NXPH1: variants seen among roughly 807,000 people sequenced by gnomAD.
NXPH1 encodes neurexophilin 1, also known as neurexophilin-1.
NXPH1 carries 5 observed loss-of-function variants against 23.7 expected under a neutral mutation model. The ratio of observed to expected loss-of-function variants is 0.21; its 90% confidence interval spans 0.11 to 0.44. NXPH1 has a LOEUF of 0.44. Among genes scored for constraint, NXPH1 ranks in the 20% least tolerant of loss-of-function variants. NXPH1 has a pLI of 0.99. For synonymous variants in NXPH1, 144 were observed against 122.2 expected, an observed-to-expected ratio of 1.18 and a Z score of -1.18; for missense variants, 324 against 321.6, an observed-to-expected ratio of 1.01 and a Z score of -0.06.
chr7:8,457,138 T>G (rs1816609924), intron 2 of NXPH1, among the ~76,000 whole-genome samples: 1 of 152,208 alleles, frequency 6.6e-6, no homozygotes, highest in African/African-American at 2.4e-5. Flanking sequence ...GTTTTCAAAC[T>G]CTTTACCTGT....
intron 2 of NXPH1, among the ~76,000 whole-genome samples, chr7:8,638,075 G>A (rs1820248266): frequency 6.6e-6 from 1 of 152,248 alleles, no homozygotes; most frequent in South Asian, 2.1e-4. Context: ...CCATTACTTT[G>A]AACAGAAAAA....
chr7:8,718,012 T>C (rs1434825326), intron 2 of NXPH1, among the ~76,000 whole-genome samples: 2 of 152,006 alleles, frequency 1.3e-5, no homozygotes, highest in Non-Finnish European at 2.9e-5. Context: ...AAATGTTGTT[T>C]CTCTTAATGT....
chr7:8,513,802 T>C (rs7777117), intron 2 of NXPH1, among the ~76,000 whole-genome samples: 104,520 of 151,946 alleles, frequency 0.69, 36,090 homozygotes, highest in African/African-American at 0.74. Context: ...TTGCTCCATG[T>C]ATTCGTTTTC....
At position 8,489,424 on chromosome 7, in the gene NXPH1, G is replaced by A. The variant is rs182865934; in HGVS notation, c.54+53657G>A. On this transcript the variant is annotated intron_variant, in intron 2 of 2. Transcript: ENST00000405863. ...AGAGAAAGGAACTAAAATTTACTAA[G>A]TGTGTATGATGTGCCAGGTACTTCA... Among the ~76,000 whole-genome samples the A allele has an allele frequency of 2.4e-3, 366 of 152,182 alleles. 2 individuals are homozygous for A. Among genetic ancestry groups the A allele is most frequent in the African/African-American group, 8.4e-3 (349 of 41,556 alleles).
intron 2 of NXPH1, among the ~76,000 whole-genome samples, chr7:8,681,874 T>A (rs932636896): frequency 2.6e-5 from 4 of 152,194 alleles, no homozygotes; most frequent in Admixed American, 2.6e-4. Context: ...TAGAAACTTG[T>A]CCAGCCCATA....
At chr7:8,624,826 G>T (rs889234352) in intron 2 of NXPH1, among the ~76,000 whole-genome samples, 2 of 152,162 alleles carry the variant, frequency 1.3e-5, no homozygotes, top group African/African-American at 4.8e-5. Flanking sequence ...GCCAGCACGA[G>T]AAAGTGGGGA....
At chr7:8,501,337 G>C (rs1209654954) in intron 2 of NXPH1, among the ~76,000 whole-genome samples, 2 of 151,976 alleles carry the variant, frequency 1.3e-5, no homozygotes, top group Non-Finnish European at 2.9e-5. Flanking sequence ...TTTAGGAGTT[G>C]TACCATGCAA....
chr7:8,526,181 G>A (rs1435986358), intron 2 of NXPH1, among the ~76,000 whole-genome samples: 1 of 152,214 alleles, frequency 6.6e-6, no homozygotes, highest in African/African-American at 2.4e-5. Context: ...GGAGTCAAAG[G>A]ATATCATTTT....
intron 2 of NXPH1, among the ~76,000 whole-genome samples, chr7:8,451,708 A>C (rs1584163355): frequency 6.6e-6 from 1 of 152,334 alleles, no homozygotes; most frequent in Admixed American, 6.5e-5. Context: ...TGCCTATATC[A>C]AAAACAACCC....
chr7:8,649,155 A>T (rs1376018821), intron 2 of NXPH1, among the ~76,000 whole-genome samples: 1 of 152,128 alleles, frequency 6.6e-6, no homozygotes, highest in East Asian at 1.9e-4. Context: ...AGCTGAGTTT[A>T]CAAAAAGATG....
chr7:8,618,967 A>G (rs1208050976), intron 2 of NXPH1, among the ~76,000 whole-genome samples: 1 of 152,192 alleles, frequency 6.6e-6, no homozygotes, highest in Non-Finnish European at 1.5e-5. Flanking sequence ...TGAAAATTAT[A>G]AAATTGAAAT....
At chr7:8,563,020 C>G (rs1180719168) in intron 2 of NXPH1, among the ~76,000 whole-genome samples, 3 of 151,644 alleles carry the variant, frequency 2.0e-5, no homozygotes, top group Non-Finnish European at 4.4e-5. Flanking sequence ...GAATTCTAAC[C>G]TATAAGCATA....
At chr7:8,586,010 C>T (rs1026687733) in intron 2 of NXPH1, among the ~76,000 whole-genome samples, 1 of 152,102 alleles carries the variant, frequency 6.6e-6, no homozygotes, top group African/African-American at 2.4e-5. Flanking sequence ...GAACAGACAT[C>T]GACCCTTTTA....
intron 2 of NXPH1, among the ~76,000 whole-genome samples, chr7:8,708,122 A>G (rs1449686956): frequency 2.0e-5 from 3 of 152,206 alleles, no homozygotes; most frequent in East Asian, 3.9e-4. Flanking sequence ...TGGAATCACT[A>G]TAGTGACAAA....
intron 2 of NXPH1, among the ~76,000 whole-genome samples, chr7:8,491,106 G>C (rs1817241853): frequency 6.6e-6 from 1 of 151,862 alleles, no homozygotes; most frequent in Non-Finnish European, 1.5e-5. Context: ...CATCAGTGTA[G>C]CTTGTAGTTT....
intron 2 of NXPH1, among the ~76,000 whole-genome samples, chr7:8,723,832 T>C (rs1440501364): frequency 6.6e-6 from 1 of 152,136 alleles, no homozygotes; most frequent in African/African-American, 2.4e-5. Flanking sequence ...AAGCAGCTTA[T>C]ACACAGGTTC....
intron 2 of NXPH1, among the ~76,000 whole-genome samples, chr7:8,720,734 T>C (rs1367086636): frequency 6.6e-6 from 1 of 152,222 alleles, no homozygotes; most frequent in East Asian, 1.9e-4. Context: ...CATAGTACAA[T>C]AATATTTTAC....
chr7:8,673,073 G>A (rs865928872), intron 2 of NXPH1, among the ~76,000 whole-genome samples: 13 of 152,068 alleles, frequency 8.5e-5, no homozygotes, highest in African/African-American at 3.1e-4. Context: ...TCTTAGCAGG[G>A]TTGCTGACAA....
intron 2 of NXPH1, among the ~76,000 whole-genome samples, chr7:8,526,947 C>T (rs1188273245): frequency 6.6e-6 from 1 of 152,100 alleles, no homozygotes; most frequent in Admixed American, 6.5e-5. Context: ...GCTATCATAG[C>T]TTTTAATTCC....
Sources: allele counts gnomAD v4.1 joint callset (sites outside exome capture counted in the v4.1 genomes callset), GRCh38; gene constraint gnomAD v4.1.1; transcripts MANE v1.5; gene names NCBI Gene and HGNC (gene_info 2026-07-23, HGNC 2026-07-21).